CEP85L: variants seen among roughly 807,000 people sequenced by gnomAD.
CEP85L encodes the protein centrosomal protein of 85 kDa-like.
A neutral mutation model predicts 100.3 loss-of-function variants in CEP85L; 60 were observed. The observed-to-expected ratio is 0.60, with a 90% CI of 0.49 to 0.74. The LOEUF (loss-of-function observed/expected upper bound fraction) is 0.74, where lower values mean the gene tolerates loss of function less well. Ranked by LOEUF, CEP85L falls within the 30% of genes least tolerant of loss-of-function variation. The pLI is 0.00. For missense variants in CEP85L, 973 were observed against 936.2 expected (o/e 1.04, Z -0.51); for synonymous variants, 319 against 322.7 (o/e 0.99, Z 0.12).
intron 3 of CEP85L, among the ~76,000 whole-genome samples, chr6:118,563,387 T>G (rs766040468): frequency 1.3e-5 from 2 of 152,162 alleles, no homozygotes; most frequent in Non-Finnish European, 2.9e-5. Context: ...TCAAATGAGA[T>G]AAAATACTGT....
chr6:118,501,860 T>C, intron 5 of CEP85L: 1 of 1,294,514 alleles, frequency 7.7e-7, no homozygotes, highest in Non-Finnish European at 1.1e-6. Context: ...AGCACAAGCC[T>C]TCAAGAGTCC....
chr6:118,483,625 A>T, intron 7 of CEP85L, 81 bp downstream of exon 7: 1 of 1,323,948 alleles, frequency 7.6e-7, no homozygotes, highest in Non-Finnish European at 1.0e-6. Flanking sequence ...ACATAGATTT[A>T]ACTTATAGTT....
intron 5 of CEP85L, chr6:118,502,213 C>A: frequency 1.4e-6 from 1 of 723,530 alleles, no homozygotes; most frequent in Non-Finnish European, 2.3e-6. Context: ...GAATTATGGA[C>A]CCTGGAGTTC....
intron 3 of CEP85L, among the ~76,000 whole-genome samples, chr6:118,536,824 T>A (rs1225450475): frequency 6.6e-6 from 1 of 152,150 alleles, no homozygotes; most frequent in African/African-American, 2.4e-5. Flanking sequence ...CAGAAGACAA[T>A]CCTGCTTCCT....
At chr6:118,482,573 A>G (rs1463777133) in intron 7 of CEP85L, among the ~76,000 whole-genome samples, 1 of 152,200 alleles carries the variant, frequency 6.6e-6, no homozygotes, top group Non-Finnish European at 1.5e-5. Context: ...CTGTATGTAT[A>G]TACCACCTTT....
chr6:118,462,365 T>G lies in CEP85L; in HGVS notation c.*3040A>C, dbSNP rs541309308. On this transcript the variant is annotated 3_prime_UTR_variant, in exon 13 of 13. Transcript: ENST00000368491. ...AATAGTTCAAATTAAGCCATTTTAC[T>G]TTTCTGAGCTCAAGTGAAAAGATAG... The G allele has an allele frequency of 6.6e-6, 1 of 152,156 alleles. No individual in the cohort carries two copies. The highest frequency in any genetic ancestry group is 6.5e-5 in the Admixed American group (1 of 15,286). 9.4% of individuals were successfully genotyped at this position (152,156 alleles called of 1,614,324 possible). A position where few individuals can be genotyped will look rare whatever the true frequency, so the allele number is the denominator to read the frequency against.
intron 2 of CEP85L, among the ~76,000 whole-genome samples, chr6:118,630,750 C>T (rs1774091155): frequency 6.6e-6 from 1 of 152,208 alleles, no homozygotes; most frequent in Non-Finnish European, 1.5e-5. Context: ...CAAACCAGCA[C>T]CGGTCAGTGG....
chr6:118,647,422 A>G (rs895187150), intron 1 of CEP85L, among the ~76,000 whole-genome samples: 3 of 152,202 alleles, frequency 2.0e-5, no homozygotes, highest in African/African-American at 4.8e-5. Context: ...GTGCAACGAC[A>G]TGATCTCAGC....
chr6:118,613,370 C>T (rs1213527850), intron 2 of CEP85L, among the ~76,000 whole-genome samples: 1 of 152,110 alleles, frequency 6.6e-6, no homozygotes, highest in Non-Finnish European at 1.5e-5. Context: ...AAAACAAATG[C>T]AACGCATCCA....
intron 2 of CEP85L, among the ~76,000 whole-genome samples, chr6:118,574,304 T>G (rs1250138967): frequency 6.6e-6 from 1 of 152,204 alleles, no homozygotes; most frequent in Non-Finnish European, 1.5e-5. Context: ...CAGGTTAGTT[T>G]AGATGGTTTG....
intron 3 of CEP85L, among the ~76,000 whole-genome samples, chr6:118,539,746 C>A (rs974111205): frequency 1.3e-5 from 2 of 151,934 alleles, no homozygotes; most frequent in Non-Finnish European, 2.9e-5. Flanking sequence ...ATGATGCTCT[C>A]CCTCCCCCCA....
intron 2 of CEP85L, among the ~76,000 whole-genome samples, chr6:118,572,526 T>C (rs530255572): frequency 6.6e-6 from 1 of 151,492 alleles, no homozygotes; most frequent in African/African-American, 2.4e-5. Context: ...GAGCTGAGAT[T>C]GCGCCATTGC....
intron 2 of CEP85L, among the ~76,000 whole-genome samples, chr6:118,598,327 T>C (rs11969904): frequency 0.018 from 2,755 of 152,304 alleles, 51 homozygotes; most frequent in Middle Eastern, 0.054. Flanking sequence ...GTAGTGTGTA[T>C]AGAGGGTGCT....
intron 5 of CEP85L, among the ~76,000 whole-genome samples, chr6:118,505,599 T>A (rs1775605096): frequency 6.6e-6 from 1 of 152,058 alleles, no homozygotes; most frequent in Admixed American, 6.5e-5. Flanking sequence ...GAAACTTAAA[T>A]GCATACTACT....
At chr6:118,662,328 G>T (rs974082482) in intron 1 of CEP85L, among the ~76,000 whole-genome samples, 1 of 151,974 alleles carries the variant, frequency 6.6e-6, no homozygotes, top group East Asian at 1.9e-4. Flanking sequence ...TCAGGAGTTC[G>T]AGACCAGCCT....
At chr6:118,625,745 G>A (rs905702224) in intron 2 of CEP85L, among the ~76,000 whole-genome samples, 8 of 152,306 alleles carry the variant, frequency 5.3e-5, no homozygotes, top group South Asian at 2.1e-4. Flanking sequence ...GGACCCTGGA[G>A]TATATTTAAC....
At chr6:118,690,814 C>T (rs1053789200) in intron 1 of CEP85L, among the ~76,000 whole-genome samples, 2 of 151,998 alleles carry the variant, frequency 1.3e-5, no homozygotes, top group East Asian at 3.9e-4. Flanking sequence ...GCCTGGGCAA[C>T]ATATTGAGAC....
Position 118,565,572 on chromosome 6 carries a change from T to C in CEP85L, c.977A>G (p.Gln326Arg). The change falls in exon 3 of 13, where the codon CAG (glutamine) becomes CGG (arginine). Residue 326 changes from glutamine (Q) to arginine (R), a missense_variant. This residue lies in a region of CEP85L where 890 missense variants were observed against 844.5 expected (regional missense o/e 1.05). Transcript: ENST00000368491. ...DSYSLAPWQQ[Q>R]QIEDFRQGSE... ...TCCTTGTCGAAAGTCTTCAATTTGC[T>C]GCTGTTGCCAAGGAGCTAAACTGTA... 1 of 1,614,224 alleles carries C rather than the reference T, an allele frequency of 6.2e-7. No individual in the cohort carries two copies. Among genetic ancestry groups the C allele is most frequent in the Non-Finnish European group, 8.5e-7 (1 of 1,180,024 alleles).
chr6:118,481,615 T>A (rs1773789432), intron 8 of CEP85L, among the ~76,000 whole-genome samples, 164 bp downstream of exon 8: 1 of 152,098 alleles, frequency 6.6e-6, no homozygotes, highest in African/African-American at 2.4e-5. Context: ...AAATCTTAAA[T>A]CTAAAACATC....
Sources: allele counts gnomAD v4.1 joint callset (sites outside exome capture counted in the v4.1 genomes callset), GRCh38; gene constraint gnomAD v4.1.1; regional missense constraint gnomAD v4.1.1; transcripts MANE v1.5; gene names NCBI Gene and HGNC (gene_info 2026-07-23, HGNC 2026-07-21).